The following TIMP2 variants were observed in gnomAD, a reference collection of about 807,000 sequenced individuals.
TIMP2 encodes the protein metalloproteinase inhibitor 2.
TIMP2 carries 5 observed loss-of-function variants against 24.3 expected under a neutral mutation model. That is an observed-to-expected ratio of 0.21 (90% CI 0.11 to 0.43). TIMP2 has a LOEUF of 0.43. Ranked by LOEUF, TIMP2 falls within the 20% of genes least tolerant of loss-of-function variation. The pLI, the probability that TIMP2 is intolerant of heterozygous loss-of-function variation, is 1.00. For missense variants in TIMP2, 221 were observed against 297.5 expected (o/e 0.74, Z 1.89); for synonymous variants, 130 against 123.2 (o/e 1.06, Z -0.37).
chr17:78,875,451 G>A (rs903937259), intron 1 of TIMP2, among the ~76,000 whole-genome samples: 1 of 152,206 alleles, frequency 6.6e-6, no homozygotes, highest in Non-Finnish European at 1.5e-5. Flanking sequence ...TAGCAATTAA[G>A]CCAGGATTCT....
chr17:78,902,582 G>A (rs2070111529), intron 1 of TIMP2: 1 of 152,466 alleles, frequency 6.6e-6, no homozygotes, highest in African/African-American at 2.4e-5. Flanking sequence ...GGTGGAGATG[G>A]TTGGGCAGGC....
intron 1 of TIMP2, chr17:78,904,592 T>C (rs2070140349): frequency 6.6e-6 from 1 of 151,886 alleles, no homozygotes; most frequent in Non-Finnish European, 1.5e-5. Context: ...ACCACCCCCC[T>C]ACCCCCGCCC....
chr17:78,892,915 G>T (rs11077401), intron 1 of TIMP2, among the ~76,000 whole-genome samples: 5,681 of 152,272 alleles, frequency 0.037, 132 homozygotes, highest in East Asian at 0.062. Flanking sequence ...AGGTAGGGAT[G>T]GAGGGGCACA....
intron 1 of TIMP2, among the ~76,000 whole-genome samples, chr17:78,895,790 C>T (rs2069989771): frequency 2.0e-5 from 3 of 152,178 alleles, no homozygotes; most frequent in Non-Finnish European, 2.9e-5. Flanking sequence ...GTCGGGGCTG[C>T]TGTGAATGCC....
intron 1 of TIMP2, among the ~76,000 whole-genome samples, chr17:78,919,822 AGACTC>A (rs2070295500): frequency 6.6e-6 from 1 of 151,284 alleles, no homozygotes; most frequent in Non-Finnish European, 1.5e-5. Flanking sequence ...AGACAGAGTG[AGACTC>A]CATCTCGAAA....
In TIMP2 at chr17:78,874,071, C is replaced by G. The variant is rs893600058; in HGVS notation, c.131-152G>C. 5.1e-6 allele frequency: 3 copies of G among 584,108 alleles called. No individual in the cohort carries two copies. The Admixed American group carries it at 9.6e-5, about 19-fold the overall frequency. The allele number at this position is 584,108 out of a possible 1,614,324, so 36.2% of individuals were successfully genotyped here. A position where few individuals can be genotyped will look rare whatever the true frequency, so the allele number is the denominator to read the frequency against. ...CGGGCAAGGGGCATGGTGATCCCAG[C>G]CCCCGGCATGGCGTCTCCTCCTCCA... On this transcript the variant is annotated intron_variant, in intron 1 of 4. Coordinates refer to ENST00000262768, the MANE Select transcript of TIMP2 (RefSeq NM_003255.5).
intron 3 of TIMP2, among the ~76,000 whole-genome samples, chr17:78,859,606 T>C (rs562656792): frequency 1.3e-5 from 2 of 148,820 alleles, no homozygotes; most frequent in Admixed American, 1.3e-4. Context: ...GAGGTTGCAG[T>C]GAGCCGAGAT....
chr17:78,901,928 T>A (rs1426297716), intron 1 of TIMP2: 2 of 616,718 alleles, frequency 3.2e-6, no homozygotes, highest in African/African-American at 3.7e-5. Context: ...CGCCCATCAC[T>A]GGAGGCATCC....
chr17:78,891,017 A>G lies in TIMP2; in HGVS notation c.131-17098T>C, dbSNP rs952474233. On this transcript the variant is annotated intron_variant, in intron 1 of 4. Coordinates refer to ENST00000262768, the MANE Select transcript of TIMP2 (RefSeq NM_003255.5). The surrounding 1 kb of genome is among the most constrained non-coding windows in gnomAD (Gnocchi z 4.5). ...CCTTTGCCTGGATGCCGTCGAGCCC[A>G]CTCTGTCTGCCTGGTCTTGAAGGTG... is the stretch of plus-strand genomic sequence containing the variant. 4 of 1,550,754 alleles carry G rather than the reference A, an allele frequency of 2.6e-6. No individual in the cohort carries two copies. The highest frequency in any genetic ancestry group is 3.5e-6 in the Non-Finnish European group (4 of 1,147,028).
At chr17:78,905,675 G>C (rs2070152330) in intron 1 of TIMP2, among the ~76,000 whole-genome samples, 1 of 152,172 alleles carries the variant, frequency 6.6e-6, no homozygotes, top group African/African-American at 2.4e-5. Flanking sequence ...TCTCAAGCCT[G>C]GGCTCTCCTG....
In TIMP2 at chr17:78,924,890, C is replaced by A; in HGVS notation, c.130+69G>T. 1 of 984,512 alleles carries A rather than the reference C, an allele frequency of 1.0e-6. No homozygotes were observed. Among genetic ancestry groups the A allele is most frequent in the Non-Finnish European group, 1.3e-6 (1 of 795,490 alleles). The allele number at this position is 984,512 out of a possible 1,614,324, so 61.0% of individuals were successfully genotyped here. On this transcript the variant is annotated intron_variant, in intron 1 of 4. Transcript: ENST00000262768. This position sits in a 1 kb window ranked among gnomAD's most constrained non-coding sequence, Gnocchi z 5.3. ...CTCGGCCAGCGGCGGGCGGGCGGGGCGTCTGCGAACCCTCGGGGTCGCGGG... is the reference window on the plus strand; with the variant it reads ...CTCGGCCAGCGGCGGGCGGGCGGGGAGTCTGCGAACCCTCGGGGTCGCGGG...
chr17:78,888,746 G>A (rs947497837), intron 1 of TIMP2, among the ~76,000 whole-genome samples: 1 of 152,202 alleles, frequency 6.6e-6, no homozygotes, highest in African/African-American at 2.4e-5. Context: ...CCATCAGCAG[G>A]TATATGTCCA....
intron 1 of TIMP2, chr17:78,890,716 G>C: frequency 6.4e-7 from 1 of 1,550,646 alleles, no homozygotes; most frequent in South Asian, 1.2e-5. Flanking sequence ...TTTGCTGTAA[G>C]ATCTGCTGCT....
chr17:78,857,938 C>T (rs1417098785), intron 3 of TIMP2, among the ~76,000 whole-genome samples: 2 of 152,034 alleles, frequency 1.3e-5, no homozygotes, highest in East Asian at 1.9e-4. Flanking sequence ...GGTGTGGTGT[C>T]ACACGCCTGT....
intron 1 of TIMP2, among the ~76,000 whole-genome samples, chr17:78,885,910 G>C (rs767929587): frequency 6.6e-6 from 1 of 152,204 alleles, no homozygotes; most frequent in African/African-American, 2.4e-5. Context: ...CCGCAGTCCA[G>C]CTGTGCCAAG....
At chr17:78,892,238 C>G (rs1327854975) in intron 1 of TIMP2, 2 of 1,550,998 alleles carry the variant, frequency 1.3e-6, no homozygotes, top group Non-Finnish European at 1.7e-6. Flanking sequence ...AGCGAGATCG[C>G]CTTTGCCCCG....
intron 1 of TIMP2, among the ~76,000 whole-genome samples, chr17:78,919,561 G>A (rs1224696623): frequency 2.6e-5 from 4 of 152,176 alleles, no homozygotes; most frequent in South Asian, 2.1e-4. Context: ...TCTGCTGGGT[G>A]CGGTGGCTCA....
rs2069508551 is a variant in TIMP2 at position 78,854,526 on chromosome 17, G to A, written c.*1141C>T. 1 of 152,166 alleles carries A rather than the reference G, an allele frequency of 6.6e-6. No homozygotes were observed. The highest frequency in any genetic ancestry group is 1.5e-5 in the Non-Finnish European group (1 of 68,062). 9.4% of individuals were successfully genotyped at this position (152,166 alleles called of 1,614,324 possible). On this transcript the variant is annotated 3_prime_UTR_variant, in exon 5 of 5. Transcript: ENST00000262768. ...TAGTGTCCTGGAGGCTGAGAAAGAAGTGAGTGTGTCACCAAAGCCACCTAC... is the reference window on the plus strand; with the variant it reads ...TAGTGTCCTGGAGGCTGAGAAAGAAATGAGTGTGTCACCAAAGCCACCTAC...
rs116630744 is a variant in TIMP2, at chr17:78,910,514, C to A, written c.130+14445G>T. The stretch of plus-strand genomic sequence containing the variant: ...CCTATTGTTAATTACATTAATCCAA[C>A]AGTGACATGGAACACTATAACTCAT... On this transcript the variant is annotated intron_variant, in intron 1 of 4. Coordinates refer to ENST00000262768, the MANE Select transcript of TIMP2 (RefSeq NM_003255.5). Among the ~76,000 whole-genome samples, 791 of 152,286 alleles carry A rather than the reference C, an allele frequency of 5.2e-3. 5 individuals are homozygous for A. Among genetic ancestry groups the A allele is most frequent in the African/African-American group, 0.018 (755 of 41,544 alleles).
Sources: gnomAD v4.1 joint callset for allele counts (sites outside exome capture counted in the v4.1 genomes callset) on GRCh38, gnomAD v4.1.1 for gene constraint, Gnocchi (gnomAD v3.1) non-coding constraint, MANE v1.5 for transcripts, NCBI Gene and HGNC (gene_info 2026-07-23, HGNC 2026-07-21) for gene names.